Variants in THEMIS observed in about 807,000 individuals in gnomAD.
THEMIS encodes thymocyte selection associated, also known as protein THEMIS.
A neutral mutation model predicts 52.6 loss-of-function variants in THEMIS; 37 were observed. That is an observed-to-expected ratio of 0.70 (90% confidence interval 0.54 to 0.93). The LOEUF (loss-of-function observed/expected upper bound fraction) is 0.93, where lower values mean the gene tolerates loss of function less well. Among genes scored for constraint, THEMIS ranks in the 40% least tolerant of loss-of-function variants. The pLI is 0.00. For synonymous variants in THEMIS, 292 were observed against 272.7 expected (o/e 1.07, Z -0.70); for missense variants, 808 against 763.1 (o/e 1.06, Z -0.69).
chr6:127,750,536 C>T (rs1775604644), intron 4 of THEMIS, among the ~76,000 whole-genome samples: 1 of 151,590 alleles, frequency 6.6e-6, no homozygotes, highest in African/African-American at 2.4e-5. Flanking sequence ...AATACAAGAG[C>T]TATTTTTTTT....
upstream of THEMIS, among the ~76,000 whole-genome samples, chr6:127,903,488 T>C (rs1176122239): frequency 6.6e-6 from 1 of 152,060 alleles, no homozygotes; most frequent in Non-Finnish European, 1.5e-5. Context: ...AATGTTTTAT[T>C]CAACAAATGG....
chr6:127,783,182 C>T (rs546504087), intron 4 of THEMIS, among the ~76,000 whole-genome samples: 4 of 152,084 alleles, frequency 2.6e-5, no homozygotes, highest in Admixed American at 6.5e-5. Context: ...AACTGGCTAG[C>T]CATATGCAGA....
chr6:127,766,116 GCTGT>G (rs1562243611), intron 4 of THEMIS, among the ~76,000 whole-genome samples: 2 of 151,972 alleles, frequency 1.3e-5, no homozygotes, highest in Non-Finnish European at 1.5e-5. Context: ...ATTTGAAATC[GCTGT>G]CTAATATTCT....
chr6:127,890,234 G>A (rs988508967), intron 1 of THEMIS, among the ~76,000 whole-genome samples: 1 of 151,832 alleles, frequency 6.6e-6, no homozygotes, highest in Non-Finnish European at 1.5e-5. Flanking sequence ...CGAATCACTG[G>A]GTCACATGAT....
intron 4 of THEMIS, among the ~76,000 whole-genome samples, chr6:127,725,729 T>A (rs1774521520): frequency 6.6e-6 from 1 of 152,116 alleles, no homozygotes. Context: ...CAAACTGCCC[T>A]TTCTGCACAG....
intron 4 of THEMIS, among the ~76,000 whole-genome samples, chr6:127,794,599 C>T (rs1777265496): frequency 6.6e-6 from 1 of 152,138 alleles, no homozygotes; most frequent in African/African-American, 2.4e-5. Flanking sequence ...CTGTCTCTGC[C>T]TGTCTTGAAC....
intron 4 of THEMIS, among the ~76,000 whole-genome samples, chr6:127,722,295 T>C (rs1774388849): frequency 6.6e-6 from 1 of 152,022 alleles, no homozygotes; most frequent in Non-Finnish European, 1.5e-5. Flanking sequence ...CTTAAGTTGC[T>C]GACCTTGCCA....
intron 4 of THEMIS, among the ~76,000 whole-genome samples, chr6:127,725,753 T>C (rs1176684457): frequency 2.0e-5 from 3 of 152,104 alleles, no homozygotes; most frequent in African/African-American, 4.8e-5. Flanking sequence ...GTCTTCTTTA[T>C]ACCAATTCAA....
chr6:127,846,265 T>G (rs896330073), intron 2 of THEMIS, among the ~76,000 whole-genome samples: 7 of 151,900 alleles, frequency 4.6e-5, no homozygotes, highest in Admixed American at 4.6e-4. Flanking sequence ...ATTATACAAT[T>G]GCCACATTAT....
intron 4 of THEMIS, among the ~76,000 whole-genome samples, chr6:127,730,318 G>GAAAAGAAAAGA (rs1456074763): frequency 3.4e-5 from 4 of 116,958 alleles, no homozygotes; most frequent in African/African-American, 1.5e-4. Context: ...AAAGAAAAGA[G>GAAAAGAAAAGA]AAAAAAAGAA....
intron 3 of THEMIS, 128 bp downstream of exon 3, chr6:127,829,348 G>C: frequency 2.9e-6 from 2 of 700,984 alleles, no homozygotes; most frequent in Non-Finnish European, 4.8e-6. Context: ...GATTGATGAG[G>C]AATCTAACTC....
At chr6:127,898,530 C>T (rs569555693) in intron 1 of THEMIS, among the ~76,000 whole-genome samples, 9 of 151,612 alleles carry the variant, frequency 5.9e-5, no homozygotes, top group Middle Eastern at 3.4e-3. Flanking sequence ...GAAAAGGGAA[C>T]GTTTATACTC....
chr6:127,905,851 A>G (rs1042886682), upstream of THEMIS, among the ~76,000 whole-genome samples: 6 of 151,722 alleles, frequency 4.0e-5, no homozygotes, highest in African/African-American at 1.4e-4. Context: ...AATTAATCCA[A>G]AAAAGACGAG....
chr6:127,807,396 A>C (rs1478416446), intron 4 of THEMIS: 1 of 223,522 alleles, frequency 4.5e-6, no homozygotes, highest in Non-Finnish European at 9.0e-6. Flanking sequence ...ACAGTCAAAA[A>C]AGCTAAAATT....
At chr6:127,844,607 C>T (rs1008672070) in intron 2 of THEMIS, among the ~76,000 whole-genome samples, 6 of 151,684 alleles carry the variant, frequency 4.0e-5, no homozygotes, top group Non-Finnish European at 5.9e-5. Flanking sequence ...AATCTATGTT[C>T]TTCATAAAAA....
In THEMIS at chr6:127,708,461, T is replaced by C. The variant is rs957304030; in HGVS notation, c.*1524A>G. 6.6e-6 allele frequency: 1 copy of C among 152,060 alleles called. No individual in the cohort carries two copies. The highest frequency in any genetic ancestry group is 2.4e-5 in the African/African-American group (1 of 41,416). 9.4% of individuals were successfully genotyped at this position (152,060 alleles called of 1,614,324 possible). ...TGTTCTCAAATTCCAAACAAAAATA[T>C]TAATTATTCACTATTGTTTGAAAAA... On this transcript the variant is annotated 3_prime_UTR_variant, in exon 6 of 6. Coordinates refer to ENST00000368248, the MANE Select transcript of THEMIS (RefSeq NM_001010923.3).
intron 4 of THEMIS, among the ~76,000 whole-genome samples, chr6:127,782,320 T>C (rs1776773420): frequency 6.6e-6 from 1 of 152,122 alleles, no homozygotes; most frequent in South Asian, 2.1e-4. Flanking sequence ...TCTGTCTCAC[T>C]GGCATTCCAG....
chr6:127,845,522 C>T (rs766801365), intron 2 of THEMIS, among the ~76,000 whole-genome samples: 28 of 151,784 alleles, frequency 1.8e-4, no homozygotes, highest in African/African-American at 3.4e-4. Flanking sequence ...CCTGTAATCA[C>T]GAAAAAATAA....
At chr6:127,748,571 A>G (rs145844692) in intron 4 of THEMIS, among the ~76,000 whole-genome samples, 5 of 152,204 alleles carry the variant, frequency 3.3e-5, no homozygotes, top group African/African-American at 1.2e-4. Flanking sequence ...ATCACACCAG[A>G]GATGAAACTT....
Sources: gnomAD v4.1 joint callset for allele counts (sites outside exome capture counted in the v4.1 genomes callset) on GRCh38, gnomAD v4.1.1 for gene constraint, MANE v1.5 for transcripts, NCBI Gene and HGNC (gene_info 2026-07-23, HGNC 2026-07-21) for gene names.